Variants in SEMA3C observed in about 807,000 individuals in gnomAD.
The protein encoded by SEMA3C is semaphorin-3C.
Under a neutral mutation model 89.4 loss-of-function variants are expected in SEMA3C, and 47 were observed. The ratio of observed to expected loss-of-function variants is 0.53; its 90% CI spans 0.42 to 0.67. The LOEUF (loss-of-function observed/expected upper bound fraction) is 0.67. Ranked by LOEUF, SEMA3C falls within the 30% of genes least tolerant of loss-of-function variation. The pLI, the probability that SEMA3C is intolerant of heterozygous loss-of-function variation, is 0.00. For synonymous variants in SEMA3C, 310 were observed against 320.2 expected (o/e 0.97, Z 0.34); for missense variants, 839 against 929.1 (o/e 0.90, Z 1.26).
chr7:80,899,562 T>C (rs1048628776), intron 2 of SEMA3C, among the ~76,000 whole-genome samples: 3 of 152,202 alleles, frequency 2.0e-5, no homozygotes, highest in Non-Finnish European at 4.4e-5. Context: ...AGCATTCTTA[T>C]AAGAACTTTT....
intron 5 of SEMA3C, among the ~76,000 whole-genome samples, chr7:80,817,672 G>A (rs995042271): frequency 3.3e-5 from 5 of 149,780 alleles, no homozygotes; most frequent in Non-Finnish European, 7.4e-5. Flanking sequence ...CCATAATGCC[G>A]CATATCACCT....
chr7:80,864,531 G>C (rs1424558411), intron 2 of SEMA3C, among the ~76,000 whole-genome samples: 1 of 151,788 alleles, frequency 6.6e-6, no homozygotes, highest in South Asian at 2.1e-4. Flanking sequence ...TAGTAATAGG[G>C]AAAATATATT....
chr7:80,795,465 C>T (rs753287238), intron 11 of SEMA3C, among the ~76,000 whole-genome samples: 41 of 152,190 alleles, frequency 2.7e-4, no homozygotes, highest in Non-Finnish European at 1.5e-4. Flanking sequence ...ATCCTGACTA[C>T]TCCCTTTTTT....
chr7:80,792,037 G>A (rs980973256), intron 11 of SEMA3C, among the ~76,000 whole-genome samples: 9 of 152,168 alleles, frequency 5.9e-5, no homozygotes, highest in African/African-American at 2.2e-4. Context: ...ACTTAAAAGA[G>A]TAGCAGTAAT....
Position 80,798,238 on chromosome 7 carries a change from TA to T in SEMA3C, c.987-3del. The T allele has an allele frequency of 7.0e-7, 1 of 1,425,142 alleles. No homozygotes were observed. The highest frequency in any genetic ancestry group is 9.2e-7 in the Non-Finnish European group (1 of 1,083,646). 88.3% of individuals were successfully genotyped at this position (1,425,142 alleles called of 1,614,324 possible). A position where few individuals can be genotyped will look rare whatever the true frequency, so the allele number is the denominator to read the frequency against. On this transcript the variant is annotated splice_region_variant and splice_polypyrimidine_tract_variant and intron_variant, in intron 10 of 17. Coordinates refer to ENST00000265361, the MANE Select transcript of SEMA3C (RefSeq NM_006379.5). ...ACGGCTGATCCTTTGAAAACTGAGC[TA>T]AAAAAGAAAACAGAAAAAGGCATTT...
chr7:80,794,760 A>G (rs1178220173), intron 11 of SEMA3C, among the ~76,000 whole-genome samples: 1 of 152,224 alleles, frequency 6.6e-6, no homozygotes, highest in Non-Finnish European at 1.5e-5. Context: ...GAATAATGTA[A>G]TATGTTTGCT....
rs758252133 is a variant in SEMA3C at position 80,802,716 on chromosome 7, C to A, written c.865G>T (p.Val289Leu). 5.0e-6 allele frequency: 8 copies of A among 1,613,476 alleles called. No homozygotes were observed. The highest frequency in any genetic ancestry group is 6.8e-6 in the Non-Finnish European group (8 of 1,179,612). Residue 289 changes from valine to leucine, a missense_variant, in exon 9 of 18, where the codon GTG becomes TTG. By Grantham distance (32) the Val-to-Leu change is conservative. Transcript: ENST00000265361. ...KWTTFLKARLVCSVTDEDGPE... is the reference protein window; with the variant it reads ...KWTTFLKARLLCSVTDEDGPE... ...CCGTCTTCATCTGTTACCGAGCACA[C>A]CAGCCTCGCCTTTAAGAAAGTGGTC... is the stretch of plus-strand genomic sequence containing the variant.
intron 3 of SEMA3C, among the ~76,000 whole-genome samples, chr7:80,828,106 TA>T (rs1197532007): frequency 1.3e-5 from 2 of 152,192 alleles, no homozygotes; most frequent in Non-Finnish European, 2.9e-5. Flanking sequence ...CTTGTTGTAA[TA>T]AATTTATAAT....
chr7:80,847,616 G>A (rs866172339), intron 2 of SEMA3C, among the ~76,000 whole-genome samples: 13 of 151,978 alleles, frequency 8.6e-5, no homozygotes, highest in Admixed American at 2.6e-4. Flanking sequence ...TAACAAACTC[G>A]CTTGGCATCC....
At chr7:80,900,679 G>T (rs1035163446) in intron 2 of SEMA3C, among the ~76,000 whole-genome samples, 1 of 152,152 alleles carries the variant, frequency 6.6e-6, no homozygotes, top group Non-Finnish European at 1.5e-5. Flanking sequence ...GTGCAGAAGG[G>T]AATCAATTGT....
intron 2 of SEMA3C, among the ~76,000 whole-genome samples, chr7:80,851,151 G>A (rs935717067): frequency 6.6e-6 from 1 of 152,060 alleles, no homozygotes. Context: ...GATAATCCAG[G>A]ATAATTCTCC....
chr7:80,836,575 G>A (rs1326575523), intron 2 of SEMA3C, among the ~76,000 whole-genome samples: 1 of 151,894 alleles, frequency 6.6e-6, no homozygotes, highest in Non-Finnish European at 1.5e-5. Flanking sequence ...CTACTCGGGA[G>A]GCTGAGGCAG....
intron 12 of SEMA3C, among the ~76,000 whole-genome samples, chr7:80,767,698 T>C (rs1207989276): frequency 6.6e-6 from 1 of 152,226 alleles, no homozygotes; most frequent in Admixed American, 6.5e-5. Context: ...ATAATGCACA[T>C]TTTTAAATTC....
chr7:80,853,582 G>A (rs932617933), intron 2 of SEMA3C, among the ~76,000 whole-genome samples: 1 of 152,104 alleles, frequency 6.6e-6, no homozygotes, highest in African/African-American at 2.4e-5. Context: ...TTGAACTCAG[G>A]GAGATAGACA....
chr7:80,902,136 A>G (rs116222420), intron 2 of SEMA3C, among the ~76,000 whole-genome samples: 4,269 of 152,288 alleles, frequency 0.028, 143 homozygotes, highest in African/African-American at 0.081. Flanking sequence ...TATGTTTTGT[A>G]GAGAAAGGAT....
At chr7:80,914,948 G>A (rs965137695) in intron 2 of SEMA3C, among the ~76,000 whole-genome samples, 1 of 152,070 alleles carries the variant, frequency 6.6e-6, no homozygotes, top group African/African-American at 2.4e-5. Context: ...AATTGCAATT[G>A]CTTTTTCAAA....
intron 10 of SEMA3C, among the ~76,000 whole-genome samples, chr7:80,800,483 C>A (rs1789175537): frequency 6.6e-6 from 1 of 152,010 alleles, no homozygotes; most frequent in African/African-American, 2.4e-5. Flanking sequence ...TTGAAAAAAT[C>A]ACGTATTTTT....
intron 6 of SEMA3C, among the ~76,000 whole-genome samples, chr7:80,809,311 T>G (rs139018983): frequency 1.2e-3 from 183 of 152,302 alleles, no homozygotes; most frequent in African/African-American, 4.3e-3. Context: ...TGAACTTGGC[T>G]AACACGTGCA....
chr7:80,860,065 T>C (rs1312372795), intron 2 of SEMA3C, among the ~76,000 whole-genome samples: 2 of 152,140 alleles, frequency 1.3e-5, no homozygotes, highest in Non-Finnish European at 2.9e-5. Context: ...TCAAATATCT[T>C]AGTTCTTCTA....
Sources: allele counts gnomAD v4.1 joint callset (sites outside exome capture counted in the v4.1 genomes callset), GRCh38; gene constraint gnomAD v4.1.1; transcripts MANE v1.5; gene names NCBI Gene and HGNC (gene_info 2026-07-23, HGNC 2026-07-21).